Variants in RGL1 observed in about 807,000 individuals in gnomAD.
RGL1 encodes ral guanine nucleotide dissociation stimulator-like 1.
RGL1 carries 24 observed loss-of-function variants against 95.2 expected under a neutral mutation model. That is an observed-to-expected ratio of 0.25 (90% confidence interval 0.18 to 0.35). The LOEUF (loss-of-function observed/expected upper bound fraction) is 0.35. Among genes scored for constraint, RGL1 ranks in the 10% least tolerant of loss-of-function variants. RGL1 has a pLI of 1.00. For missense variants in RGL1, 715 were observed against 936.3 expected (o/e 0.76, Z 3.08); for synonymous variants, 329 against 344.9 (o/e 0.95, Z 0.51).
In RGL1 at chr1:183,784,550, T is replaced by G. The variant is rs1198226067; in HGVS notation, c.133-21825T>G. Among the ~76,000 whole-genome samples the G allele has an allele frequency of 3.3e-5, 5 of 152,260 alleles. No homozygotes were observed. The East Asian group carries it at 9.6e-4, about 29-fold the overall frequency. On this transcript the variant is annotated intron_variant, in intron 2 of 18. Coordinates refer to the RGL1 transcript ENST00000304685. ...CAGTAAGAATGGTTCAATACTCCATTCCAGAGTGCTGAGCCAAAGTCTTTT... is the reference window on the plus strand; with the variant it reads ...CAGTAAGAATGGTTCAATACTCCATGCCAGAGTGCTGAGCCAAAGTCTTTT...
chr1:183,659,797 C>T (rs1651473996), intron 1 of RGL1, among the ~76,000 whole-genome samples: 1 of 151,568 alleles, frequency 6.6e-6, no homozygotes, highest in African/African-American at 2.4e-5. Context: ...ATGTTAAGGG[C>T]AGCCAGAGAG....
intron 1 of RGL1, among the ~76,000 whole-genome samples, chr1:183,741,435 AAAT>A (rs1177887598): frequency 6.6e-6 from 1 of 152,206 alleles, no homozygotes; most frequent in Non-Finnish European, 1.5e-5. Flanking sequence ...ATCAATTTTT[AAAT>A]AATATCTTAC....
At chr1:183,742,454 T>C (rs1657371643) in intron 2 of RGL1, among the ~76,000 whole-genome samples, 1 of 152,126 alleles carries the variant, frequency 6.6e-6, no homozygotes, top group Non-Finnish European at 1.5e-5. Flanking sequence ...AGCATGTCCT[T>C]TGCACATTAA....
chr1:183,877,429 G>T (rs1423280641), intron 4 of RGL1, among the ~76,000 whole-genome samples: 10 of 152,016 alleles, frequency 6.6e-5, no homozygotes, highest in Non-Finnish European at 2.9e-5. Context: ...TAAAAGTTTC[G>T]CATTTGTATC....
At chr1:183,690,667 A>G (rs893077593) in intron 1 of RGL1, among the ~76,000 whole-genome samples, 1 of 152,162 alleles carries the variant, frequency 6.6e-6, no homozygotes. Context: ...AAATGAAAAT[A>G]TACTTAATTC....
chr1:183,887,540 C>T (rs544751161), intron 7 of RGL1, among the ~76,000 whole-genome samples: 21 of 152,264 alleles, frequency 1.4e-4, no homozygotes, highest in African/African-American at 3.1e-4. Context: ...GGGCCTAGTA[C>T]GCTGTCATGT....
At chr1:183,866,877 G>A (rs151246008) in intron 4 of RGL1, among the ~76,000 whole-genome samples, 2 of 152,132 alleles carry the variant, frequency 1.3e-5, no homozygotes, top group Non-Finnish European at 2.9e-5. Flanking sequence ...CTTGTGGTGC[G>A]GGCTGAAGCA....
chr1:183,907,284 CCT>C (rs1668391729), intron 14 of RGL1, among the ~76,000 whole-genome samples, 183 bp downstream of exon 14: 1 of 152,218 alleles, frequency 6.6e-6, no homozygotes, highest in Non-Finnish European at 1.5e-5. Flanking sequence ...TCTCCACTCC[CCT>C]CTCTGTTGTG....
chr1:183,679,024 T>C (rs905604417), intron 1 of RGL1, among the ~76,000 whole-genome samples: 1 of 152,224 alleles, frequency 6.6e-6, no homozygotes, highest in African/African-American at 2.4e-5. Context: ...CATTTATATA[T>C]AGGTCCTAAG....
chr1:183,641,967 G>T (rs1053616081), intron 1 of RGL1, among the ~76,000 whole-genome samples: 1 of 152,112 alleles, frequency 6.6e-6, no homozygotes, highest in African/African-American at 2.4e-5. Flanking sequence ...AATTATTTTA[G>T]TATCTTCCAT....
chr1:183,777,844 A>G (rs966092530), intron 2 of RGL1, among the ~76,000 whole-genome samples: 1 of 152,076 alleles, frequency 6.6e-6, no homozygotes, highest in African/African-American at 2.4e-5. Context: ...TGTACTTTTT[A>G]TTGTCATTTG....
chr1:183,847,791 G>A lies in RGL1; in HGVS notation c.347+17G>A, dbSNP rs368949835. On this transcript the variant is annotated intron_variant, in intron 3 of 17. Transcript: ENST00000360851. ...GCTGGACAGGTAAGAATGTAAAGGA[G>A]CTTTTGAGTTGAAAGAAATGTAGGC... 12 of 1,602,582 alleles carry A rather than the reference G, an allele frequency of 7.5e-6. No individual in the cohort carries two copies. The highest frequency in any genetic ancestry group is 1.0e-5 in the Non-Finnish European group (12 of 1,170,844).
chr1:183,825,953 A>G (rs1226827112), intron 2 of RGL1, among the ~76,000 whole-genome samples: 1 of 152,124 alleles, frequency 6.6e-6, no homozygotes, highest in South Asian at 2.1e-4. Context: ...GCTTGAGCCC[A>G]GGAGTATGAG....
intron 1 of RGL1, among the ~76,000 whole-genome samples, chr1:183,680,858 CA>C (rs1653165135): frequency 6.6e-6 from 1 of 152,134 alleles, no homozygotes; most frequent in Non-Finnish European, 1.5e-5. Context: ...TTTCCTTGAG[CA>C]GTGGTTTGTA....
At chr1:183,856,379 G>C (rs1390449531) in intron 3 of RGL1, among the ~76,000 whole-genome samples, 1 of 151,334 alleles carries the variant, frequency 6.6e-6, no homozygotes, top group Non-Finnish European at 1.5e-5. Flanking sequence ...GGCTCTGTGG[G>C]GGGTTACTAA....
At chr1:183,860,455 A>G (rs73047554) in intron 3 of RGL1, among the ~76,000 whole-genome samples, 3,338 of 152,132 alleles carry the variant, frequency 0.022, 128 homozygotes, top group African/African-American at 0.078. Context: ...CTCCTTTTCT[A>G]TTCACGCTCA....
At chr1:183,916,793 A>C in intron 16 of RGL1, 92 bp downstream of exon 16, 1 of 1,409,586 alleles carries the variant, frequency 7.1e-7, no homozygotes, top group Non-Finnish European at 9.7e-7. Flanking sequence ...CTAAATATGC[A>C]CACTCAATAT....
rs962567960 is a variant in RGL1 at position 183,666,257 on chromosome 1, G to A, written c.-33+29756G>A. On this transcript the variant is annotated intron_variant, in intron 1 of 18. Coordinates refer to the RGL1 transcript ENST00000304685. Reference sequence around the variant, plus strand: ...CGACCTCCGGTGATCCACCCGCCTCGGCCTCCGAAAGTGCTGGGATTACAG... The same window carrying A: ...CGACCTCCGGTGATCCACCCGCCTCAGCCTCCGAAAGTGCTGGGATTACAG... 8.6e-5 allele frequency among the ~76,000 whole-genome samples: 13 copies of A among 151,984 alleles called. 1 individual carries two copies. Among genetic ancestry groups the A allele is most frequent in the East Asian group, 3.9e-4 (2 of 5,168 alleles).
intron 2 of RGL1, among the ~76,000 whole-genome samples, chr1:183,840,099 T>A (rs1663940222): frequency 1.3e-5 from 2 of 152,226 alleles, no homozygotes; most frequent in Admixed American, 1.3e-4. Context: ...GGCCTGTCTG[T>A]TCAGATTCTT....
Sources: allele counts gnomAD v4.1 joint callset (sites outside exome capture counted in the v4.1 genomes callset), GRCh38; gene constraint gnomAD v4.1.1; transcripts MANE v1.5; gene names NCBI Gene and HGNC (gene_info 2026-07-23, HGNC 2026-07-21).